DOK5: variants seen among roughly 807,000 people sequenced by gnomAD.
The protein encoded by DOK5 is downstream of tyrosine kinase 5.
A neutral mutation model predicts 43.3 loss-of-function variants in DOK5; 27 were observed. That is an observed-to-expected ratio of 0.62 (90% CI 0.46 to 0.86). The LOEUF (loss-of-function observed/expected upper bound fraction) is 0.86. Ranked by LOEUF, DOK5 falls within the 40% of genes least tolerant of loss-of-function variation. The probability of loss-of-function intolerance (pLI) is 0.00; values close to 1 mark genes in which losing one functional copy is unlikely to be tolerated. For synonymous variants in DOK5, 146 were observed against 140.1 expected, an observed-to-expected ratio of 1.04 and a Z score of -0.30; for missense variants, 373 against 392.9, an observed-to-expected ratio of 0.95 and a Z score of 0.43.
chr20:54,561,932 C>T (rs936242871), intron 2 of DOK5, among the ~76,000 whole-genome samples: 3 of 152,208 alleles, frequency 2.0e-5, no homozygotes, highest in Non-Finnish European at 4.4e-5. Flanking sequence ...GCTGGGATTA[C>T]AGGCGCGAGC....
intron 5 of DOK5, among the ~76,000 whole-genome samples, chr20:54,607,085 G>A (rs1986494950): frequency 6.6e-6 from 1 of 152,194 alleles, no homozygotes; most frequent in South Asian, 2.1e-4. Context: ...ATAATAGAAT[G>A]CAGGAGCTTG....
At chr20:54,608,015 C>A (rs6023409) in intron 5 of DOK5, among the ~76,000 whole-genome samples, 52,001 of 152,024 alleles carry the variant, frequency 0.34, 13,714 homozygotes, top group African/African-American at 0.73. Flanking sequence ...ACTAGTATTA[C>A]AAATAAGATA....
intron 5 of DOK5, among the ~76,000 whole-genome samples, chr20:54,604,825 A>AC (rs1327174981): frequency 1.3e-5 from 2 of 151,746 alleles, no homozygotes; most frequent in African/African-American, 4.8e-5. Context: ...AGATGGTGAA[A>AC]CCCCATCTCA....
rs1986154714 is a variant in DOK5, at chr20:54,596,778, C to G, written c.599+4973C>G. Among the ~76,000 whole-genome samples the G allele has an allele frequency of 2.0e-5, 3 of 152,152 alleles. 1 individual carries two copies. In the South Asian group the frequency reaches 6.2e-4, roughly 31 times the overall value. On this transcript the variant is annotated intron_variant, in intron 5 of 7. Coordinates refer to ENST00000262593, the MANE Select transcript of DOK5 (RefSeq NM_018431.5). Reference sequence around the variant, plus strand: ...TACTGAAAAGAAACTCATTGACTTCCATAAACTCAAAGTCTGAGGAGTAAA... The same window carrying G: ...TACTGAAAAGAAACTCATTGACTTCGATAAACTCAAAGTCTGAGGAGTAAA...
intron 1 of DOK5, among the ~76,000 whole-genome samples, chr20:54,554,421 G>A (rs1389350086): frequency 1.3e-5 from 2 of 152,160 alleles, no homozygotes; most frequent in African/African-American, 2.4e-5. Context: ...TCCTAAGCAA[G>A]AATCTGGTTG....
At chr20:54,538,863 A>G (rs1984043193) in intron 1 of DOK5, among the ~76,000 whole-genome samples, 1 of 152,262 alleles carries the variant, frequency 6.6e-6, no homozygotes, top group Non-Finnish European at 1.5e-5. Flanking sequence ...TTACATTAGT[A>G]CAATGGAATA....
intron 2 of DOK5, among the ~76,000 whole-genome samples, chr20:54,566,147 G>GT (rs531739853): frequency 0.011 from 1,513 of 143,000 alleles, 26 homozygotes; most frequent in African/African-American, 0.036. Flanking sequence ...CATTTCTACA[G>GT]TTTTTTTTTT....
chr20:54,492,010 C>A (rs1319577987), intron 1 of DOK5, among the ~76,000 whole-genome samples: 2 of 151,166 alleles, frequency 1.3e-5, no homozygotes, highest in Admixed American at 6.6e-5. Flanking sequence ...GAAAATGGAC[C>A]CACTCTATCT....
chr20:54,588,955 T>A, intron 4 of DOK5, 149 bp downstream of exon 4: 1 of 823,866 alleles, frequency 1.2e-6, no homozygotes, highest in Non-Finnish European at 1.8e-6. Context: ...CAACCTGTGT[T>A]AACATTTCAG....
At chr20:54,603,066 TA>T (rs1163205826) in intron 5 of DOK5, among the ~76,000 whole-genome samples, 1 of 152,216 alleles carries the variant, frequency 6.6e-6, no homozygotes, top group Non-Finnish European at 1.5e-5. Flanking sequence ...TATATTCGTT[TA>T]AGGAAAATAA....
At chr20:54,488,473 C>A (rs1274964407) in intron 1 of DOK5, among the ~76,000 whole-genome samples, 1 of 152,130 alleles carries the variant, frequency 6.6e-6, no homozygotes, top group Non-Finnish European at 1.5e-5. Flanking sequence ...ATGTATAGAA[C>A]TTAACAATTT....
intron 5 of DOK5, among the ~76,000 whole-genome samples, chr20:54,608,667 C>CTTTT (rs11353769): frequency 7.4e-6 from 1 of 134,330 alleles, no homozygotes. Context: ...TCTTCTTCTT[C>CTTTT]TTTTTTTTTT....
chr20:54,497,522 T>C (rs1289227989), intron 1 of DOK5, among the ~76,000 whole-genome samples: 1 of 152,200 alleles, frequency 6.6e-6, no homozygotes, highest in African/African-American at 2.4e-5. Context: ...AAAAACATCA[T>C]CCACTAATGA....
intron 5 of DOK5, among the ~76,000 whole-genome samples, chr20:54,594,492 A>G (rs1341415099): frequency 6.6e-6 from 1 of 152,168 alleles, no homozygotes; most frequent in Non-Finnish European, 1.5e-5. Context: ...GAAATTATTT[A>G]TGCATTAACG....
chr20:54,555,733 T>C (rs1984689576), intron 2 of DOK5, among the ~76,000 whole-genome samples: 1 of 152,228 alleles, frequency 6.6e-6, no homozygotes, highest in Non-Finnish European at 1.5e-5. Flanking sequence ...GTTATTTTCA[T>C]ATGGAGAAAA....
chr20:54,539,363 G>A (rs1984070459), intron 1 of DOK5, among the ~76,000 whole-genome samples: 1 of 151,078 alleles, frequency 6.6e-6, no homozygotes, highest in East Asian at 1.9e-4. Context: ...AAGTAGTTGT[G>A]GTAATGAAAG....
chr20:54,634,736 T>A (rs1194252665), intron 6 of DOK5, among the ~76,000 whole-genome samples: 1 of 151,678 alleles, frequency 6.6e-6, no homozygotes, highest in Non-Finnish European at 1.5e-5. Context: ...TTTAAAATAA[T>A]CTTCAGGGCA....
At chr20:54,625,092 G>C (rs6064093) in intron 6 of DOK5, among the ~76,000 whole-genome samples, 42,519 of 151,946 alleles carry the variant, frequency 0.28, 6,725 homozygotes, top group African/African-American at 0.4. Flanking sequence ...GTAACATTTG[G>C]ATGATAGGAG....
In DOK5 at chr20:54,477,662, C is replaced by A. The variant is rs984985163; in HGVS notation, c.66+1650C>A. On this transcript the variant is annotated intron_variant, in intron 1 of 7. Transcript: ENST00000262593. ...GGAGTTAAGTTAAAAAAAAAAAAAA[C>A]CCAGCATTCTAATTTAGCTTTACTC... Among the ~76,000 whole-genome samples, 20 of 148,458 alleles carry A rather than the reference C, an allele frequency of 1.3e-4. No individual in the cohort carries two copies. The South Asian group carries it at 2.1e-3, about 16-fold the overall frequency.
Sources: gnomAD v4.1 joint callset for allele counts (sites outside exome capture counted in the v4.1 genomes callset) on GRCh38, gnomAD v4.1.1 for gene constraint, MANE v1.5 for transcripts, NCBI Gene and HGNC (gene_info 2026-07-23, HGNC 2026-07-21) for gene names.